Variants in ANK2 observed in about 807,000 individuals in gnomAD.
The protein encoded by ANK2 is ankyrin-2.
ANK2 carries 83 observed loss-of-function variants against 360.5 expected under a neutral mutation model. The ratio of observed to expected loss-of-function variants is 0.23; its 90% CI spans 0.19 to 0.28. The LOEUF (loss-of-function observed/expected upper bound fraction) is 0.28. Among genes scored for constraint, ANK2 ranks in the 10% least tolerant of loss-of-function variants. ANK2 has a pLI of 1.00. For missense variants in ANK2, 4,201 were observed against 4,795.7 expected (o/e 0.88, Z 3.66); for synonymous variants, 1,740 against 1,759.5 (o/e 0.99, Z 0.28).
At chr4:112,842,363 C>T (rs1157030841) in intron 1 of ANK2, among the ~76,000 whole-genome samples, 1 of 152,162 alleles carries the variant, frequency 6.6e-6, no homozygotes, top group Non-Finnish European at 1.5e-5. Flanking sequence ...AATAACATTC[C>T]CACTGAAGAA....
intron 2 of ANK2, among the ~76,000 whole-genome samples, chr4:113,004,762 G>A (rs937378250): frequency 6.6e-6 from 1 of 152,134 alleles, no homozygotes; most frequent in African/African-American, 2.4e-5. Flanking sequence ...GGCAGTGCAG[G>A]TTTGTCTACA....
the ANK2 span, among the ~76,000 whole-genome samples, chr4:112,781,711 T>C: frequency 6.6e-6 from 1 of 151,984 alleles, no homozygotes; most frequent in African/African-American, 2.4e-5. Context: ...TGTCTACTTA[T>C]AAATATTGCA....
At chr4:112,828,498 G>A (rs2058947834) in intron 1 of ANK2, among the ~76,000 whole-genome samples, 1 of 152,172 alleles carries the variant, frequency 6.6e-6, no homozygotes, top group Non-Finnish European at 1.5e-5. Flanking sequence ...CTCCCAAAGT[G>A]TTGGGATTAC....
intron 2 of ANK2, among the ~76,000 whole-genome samples, chr4:112,917,770 A>C (rs1267964906): frequency 6.6e-6 from 1 of 152,242 alleles, no homozygotes; most frequent in Non-Finnish European, 1.5e-5. Context: ...ATGGACTTTC[A>C]ATATGTATTG....
chr4:113,279,779 G>T (rs954389495), intron 17 of ANK2, among the ~76,000 whole-genome samples: 1 of 150,238 alleles, frequency 6.7e-6, no homozygotes, highest in Non-Finnish European at 1.5e-5. Context: ...TCTTTTTGAT[G>T]CCAATAAACA....
chr4:113,381,822 G>T lies in ANK2; in HGVS notation c.*351G>T. The T allele has an allele frequency of 1.9e-6, 1 of 524,436 alleles. No individual in the cohort carries two copies. The highest frequency in any genetic ancestry group is 3.3e-6 in the Non-Finnish European group (1 of 306,816). 32.5% of individuals were successfully genotyped at this position (524,436 alleles called of 1,614,324 possible). On this transcript the variant is annotated 3_prime_UTR_variant, in exon 46 of 46. Transcript: ENST00000357077. ...CTCTTTAACTATAAAGCTAATTTGTGACCAAAGATGGCATCCTTCATACTG... is the reference window on the plus strand; with the variant it reads ...CTCTTTAACTATAAAGCTAATTTGTTACCAAAGATGGCATCCTTCATACTG...
chr4:113,335,401 C>G (rs1311278135), intron 29 of ANK2, among the ~76,000 whole-genome samples: 1 of 152,154 alleles, frequency 6.6e-6, no homozygotes, highest in Non-Finnish European at 1.5e-5. Context: ...GGCTATGTTA[C>G]TTCTTAAAAC....
intron 4 of ANK2, among the ~76,000 whole-genome samples, chr4:113,213,783 G>C (rs1036579571): frequency 2.6e-5 from 4 of 152,060 alleles, no homozygotes; most frequent in African/African-American, 9.6e-5. Flanking sequence ...CAGAGGAAAC[G>C]TTCCAAAAAC....
At chr4:113,340,663 C>G (rs1447070287) in intron 32 of ANK2, among the ~76,000 whole-genome samples, 1 of 152,126 alleles carries the variant, frequency 6.6e-6, no homozygotes, top group Admixed American at 6.5e-5. Flanking sequence ...CGTCACTGCA[C>G]TCCAGCCTGG....
intron 1 of ANK2, among the ~76,000 whole-genome samples, chr4:113,058,711 G>T (rs192502506): frequency 1.3e-5 from 2 of 152,034 alleles, no homozygotes; most frequent in East Asian, 3.9e-4. Context: ...ACACCCAATG[G>T]CCAATAATTT....
chr4:113,069,750 T>TA (rs2076893160), intron 1 of ANK2, among the ~76,000 whole-genome samples: 1 of 152,166 alleles, frequency 6.6e-6, no homozygotes, highest in Admixed American at 6.5e-5. Context: ...TGATATCTAT[T>TA]AAGTCACCAC....
At chr4:112,804,013 G>A in the ANK2 span, among the ~76,000 whole-genome samples, 1 of 129,812 alleles carries the variant, frequency 7.7e-6, no homozygotes, top group South Asian at 2.4e-4. Context: ...CCAATCTCAC[G>A]GTTTTTTTTT....
intron 23 of ANK2, among the ~76,000 whole-genome samples, chr4:113,310,373 G>A (rs2079271870): frequency 6.6e-6 from 1 of 152,046 alleles, no homozygotes; most frequent in Non-Finnish European, 1.5e-5. Flanking sequence ...AGAATTTTGG[G>A]GAGTAGGGGT....
Position 113,159,001 on chromosome 4 carries a change from G to A in ANK2, c.85-15415G>A, listed in dbSNP as rs2097406523. Among the ~76,000 whole-genome samples, 11 of 152,106 alleles carry A rather than the reference G, an allele frequency of 7.2e-5. No individual in the cohort carries two copies. The South Asian group carries it at 2.1e-3, about 29-fold the overall frequency. On this transcript the variant is annotated intron_variant, in intron 1 of 45. Coordinates refer to ENST00000357077, the MANE Select transcript of ANK2 (RefSeq NM_001148.6). The stretch of plus-strand genomic sequence containing the variant: ...CTGTTGTCAGCTTTACATAAAAAAA[G>A]GTAAGGTAATATCCTCCCCAGGGTT...
In ANK2 at chr4:112,939,331, C is replaced by T. The variant is rs192735573; in HGVS notation, c.21+34817C>T. Among the ~76,000 whole-genome samples, 122 of 152,152 alleles carry T rather than the reference C, an allele frequency of 8.0e-4. 4 individuals are homozygous for T. The East Asian group carries it at 0.017, about 21-fold the overall frequency. On this transcript the variant is annotated intron_variant, in intron 2 of 30. Transcript: ENST00000503271. ...TTATTTTTATTTATTTATTTTGAGACGGAGTTTCACTCTTGTTGCCCAGGC... is the reference window on the plus strand; with the variant it reads ...TTATTTTTATTTATTTATTTTGAGATGGAGTTTCACTCTTGTTGCCCAGGC...
intron 1 of ANK2, among the ~76,000 whole-genome samples, chr4:113,142,402 G>T (rs190965724): frequency 6.6e-6 from 1 of 152,004 alleles, no homozygotes; most frequent in African/African-American, 2.4e-5. Context: ...TCTGATCGTC[G>T]GCAAAGTTTG....
In ANK2 at chr4:113,348,319, G is replaced by A. The variant is rs2095107321; in HGVS notation, c.4404+11G>A. On this transcript the variant is annotated intron_variant, in intron 36 of 45. Transcript: ENST00000357077. The stretch of plus-strand genomic sequence containing the variant: ...GAACAGGAGGAAGAGGTAATTTTAT[G>A]ACAGTGTCACTTGTTATCGGCTGTG... 1 of 1,612,660 alleles carries A rather than the reference G, an allele frequency of 6.2e-7. No homozygotes were observed. The highest frequency in any genetic ancestry group is 8.5e-7 in the Non-Finnish European group (1 of 1,179,054).
intron 1 of ANK2, among the ~76,000 whole-genome samples, chr4:112,844,950 A>G (rs762938907): frequency 1.9e-4 from 29 of 152,200 alleles, no homozygotes; most frequent in Non-Finnish European, 3.4e-4. Context: ...GTAAAAACAT[A>G]TTCAACTTAT....
At chr4:113,242,499 C>T (rs1334388025) in intron 9 of ANK2, among the ~76,000 whole-genome samples, 1 of 152,166 alleles carries the variant, frequency 6.6e-6, no homozygotes, top group African/African-American at 2.4e-5. Context: ...TAGGCTTACA[C>T]AACTCTCTTT....
Sources: gnomAD v4.1 joint callset for allele counts (sites outside exome capture counted in the v4.1 genomes callset) on GRCh38, gnomAD v4.1.1 for gene constraint, MANE v1.5 for transcripts, NCBI Gene and HGNC (gene_info 2026-07-23, HGNC 2026-07-21) for gene names.